Variants in KLB observed in about 807,000 individuals in gnomAD.
KLB encodes beta-klotho.
In KLB, 44 loss-of-function variants were observed where a neutral mutation model predicts 88.4. The ratio of observed to expected loss-of-function variants is 0.50; its 90% CI spans 0.39 to 0.64. KLB has a LOEUF of 0.64. Among genes scored for constraint, KLB ranks in the 30% least tolerant of loss-of-function variants. The pLI, the probability that KLB is intolerant of heterozygous loss-of-function variation, is 0.00. For missense variants in KLB, 1,137 were observed against 1,304.8 expected, an observed-to-expected ratio of 0.87 and a Z score of 1.98; for synonymous variants, 548 against 513.4, an observed-to-expected ratio of 1.07 and a Z score of -0.91.
At chr4:39,444,832 T>C (rs1342351097) in intron 3 of KLB, among the ~76,000 whole-genome samples, 1 of 152,242 alleles carries the variant, frequency 6.6e-6, no homozygotes, top group Non-Finnish European at 1.5e-5. Context: ...CTTAGTTTAA[T>C]GTTCTAGATA....
At chr4:39,441,634 T>C (rs1743597728) in intron 3 of KLB, 1 of 152,164 alleles carries the variant, frequency 6.6e-6, no homozygotes, top group South Asian at 2.1e-4. Context: ...GCCAGATTCA[T>C]TTGAACCACT....
intron 1 of KLB, among the ~76,000 whole-genome samples, chr4:39,416,247 G>A (rs1258095582): frequency 6.6e-6 from 1 of 151,922 alleles, no homozygotes; most frequent in Non-Finnish European, 1.5e-5. Context: ...TTTGATGGCT[G>A]TTAAAACTCA....
chr4:39,408,821 G>C (rs547498999), intron 1 of KLB, among the ~76,000 whole-genome samples: 1 of 151,584 alleles, frequency 6.6e-6, no homozygotes, highest in East Asian at 1.9e-4. Flanking sequence ...AGTTTACTTA[G>C]GAAAAATAAA....
intron 1 of KLB, among the ~76,000 whole-genome samples, chr4:39,421,112 T>C (rs1243889839): frequency 6.6e-6 from 1 of 152,252 alleles, no homozygotes; most frequent in African/African-American, 2.4e-5. Context: ...CTCATTTCCA[T>C]ATTTTTTTCT....
At chr4:39,423,475 G>A (rs894152299) in intron 1 of KLB, among the ~76,000 whole-genome samples, 2 of 151,798 alleles carry the variant, frequency 1.3e-5, no homozygotes, top group Non-Finnish European at 2.9e-5. Flanking sequence ...TATGTCAAAT[G>A]GTCTTTCCCG....
At chr4:39,411,546 G>T (rs893455384) in intron 1 of KLB, among the ~76,000 whole-genome samples, 1 of 148,858 alleles carries the variant, frequency 6.7e-6, no homozygotes, top group Non-Finnish European at 1.5e-5. Flanking sequence ...TTAAGACAGA[G>T]TCTCACTCTG....
At position 39,431,856 on chromosome 4, in the gene KLB, C is replaced by G. The variant is rs1743369838; in HGVS notation, c.826-2354C>G. 3.3e-5 allele frequency among the ~76,000 whole-genome samples: 5 copies of G among 152,138 alleles called. No homozygotes were observed. In the South Asian group the frequency reaches 1.0e-3, roughly 32 times the overall value. On this transcript the variant is annotated intron_variant, in intron 1 of 4. Coordinates refer to ENST00000257408, the MANE Select transcript of KLB (RefSeq NM_175737.4). The stretch of plus-strand genomic sequence containing the variant: ...TTGTTCATATCTGCTTGTCTTTGAC[C>G]TACGTAAAAGGCAGTTTCAGATAGT...
intron 3 of KLB, among the ~76,000 whole-genome samples, chr4:39,438,730 T>C (rs550180053): frequency 6.6e-6 from 1 of 152,362 alleles, no homozygotes; most frequent in East Asian, 1.9e-4. Flanking sequence ...CAGGTGCTTA[T>C]CTTTTAGAAC....
At position 39,437,850 on chromosome 4, in the gene KLB, A is replaced by G. The variant is rs1578211808; in HGVS notation, c.1460A>G (p.Gln487Arg). 6.2e-7 allele frequency: 1 copy of G among 1,614,240 alleles called. No individual in the cohort carries two copies. The highest frequency in any genetic ancestry group is 8.5e-7 in the Non-Finnish European group (1 of 1,180,044). Reference protein sequence around the residue: ...GLFYVDFNSKQKERKPKSSAH... With the variant: ...GLFYVDFNSKRKERKPKSSAH... ...TTTTATGTGGATTTTAACAGTAAAC[A>G]GAAAGAGCGGAAACCTAAGTCTTCA... Residue 487 changes from glutamine to arginine, a missense_variant, in exon 3 of 5, where the codon CAG (glutamine) becomes CGG (arginine). Transcript: ENST00000257408.
Position 39,446,595 on chromosome 4 carries a change from C to G in KLB, c.1869C>G (p.Tyr623Ter), listed in dbSNP as rs755516264. The change falls in exon 4 of 5, where the codon TAC becomes TAG. Residue 623 changes from tyrosine to a stop codon, truncating the protein, a stop_gained. Transcript: ENST00000257408. LOFTEE classifies it high-confidence loss of function. This position sits in a 1 kb window ranked among gnomAD's most constrained non-coding sequence, Gnocchi z 6.4. ...TGAACCGACAGGCCCTGAGGTACTA[C>G]AGGTGCGTGGTCAGTGAGGGGCTGA... ...SAVNRQALRY[Y>*]RCVVSEGLKL... 1 of 1,614,202 alleles carries G rather than the reference C, an allele frequency of 6.2e-7. No individual in the cohort carries two copies. The highest frequency in any genetic ancestry group is 8.5e-7 in the Non-Finnish European group (1 of 1,180,024).
At chr4:39,443,530 A>T (rs1178546811) in intron 3 of KLB, among the ~76,000 whole-genome samples, 1 of 148,740 alleles carries the variant, frequency 6.7e-6, no homozygotes, top group Non-Finnish European at 1.5e-5. Context: ...GTATCACTTG[A>T]GGTCAGGACC....
chr4:39,423,591 A>G (rs1354873635), intron 1 of KLB, among the ~76,000 whole-genome samples: 1 of 151,826 alleles, frequency 6.6e-6, no homozygotes, highest in Admixed American at 6.6e-5. Flanking sequence ...TTTCTTTTCT[A>G]AAATGGGAAA....
Position 39,448,820 on chromosome 4 carries a change from C to G in KLB, c.*134C>G, listed in dbSNP as rs1743823086. 3.5e-6 allele frequency: 3 copies of G among 852,590 alleles called. No individual in the cohort carries two copies. The highest frequency in any genetic ancestry group is 2.6e-5 in the Admixed American group (1 of 38,260). 52.8% of individuals were successfully genotyped at this position (852,590 alleles called of 1,614,324 possible). ...GTAACCAAGGTGATGACAATTGTCT[C>G]TGCTGTGTGGTTCAAAGAACATTCC... On this transcript the variant is annotated 3_prime_UTR_variant, in exon 5 of 5. Coordinates refer to ENST00000257408, the MANE Select transcript of KLB (RefSeq NM_175737.4).
chr4:39,413,491 C>T (rs1052509398), intron 1 of KLB, among the ~76,000 whole-genome samples: 1 of 152,012 alleles, frequency 6.6e-6, no homozygotes, highest in Non-Finnish European at 1.5e-5. Context: ...AAGAAGATCC[C>T]TTGAGCCCAG....
In KLB at chr4:39,437,938, T is replaced by C. The variant is rs1168229464; in HGVS notation, c.1548T>C (p.Asp516=). The change falls in exon 3 of 5, where the codon GAT becomes GAC. Residue 516 remains aspartate, a synonymous_variant. Transcript: ENST00000257408. ...NGFSLKESTP[D]VQGQFPCDFS... is the part of the protein sequence containing the mutation. Reference sequence around the variant, plus strand: ...TTTCTTTAAAAGAGTCCACGCCAGATGTGCAGGGCCAGTTTCCCTGTGACT... The same window carrying C: ...TTTCTTTAAAAGAGTCCACGCCAGACGTGCAGGGCCAGTTTCCCTGTGACT... The C allele has an allele frequency of 1.2e-6, 2 of 1,614,100 alleles. No individual in the cohort carries two copies. Among genetic ancestry groups the C allele is most frequent in the Non-Finnish European group, 1.7e-6 (2 of 1,180,046 alleles).
At position 39,413,228 on chromosome 4, in the gene KLB, C is replaced by T. The variant is rs146388318; in HGVS notation, c.825+5454C>T. ...CCTATGCAGCAAAGCCCCAAGGGTT[C>T]ACATTAGTAAAGGCAGTAATGTCTG... On this transcript the variant is annotated intron_variant, in intron 1 of 4. Coordinates refer to ENST00000257408, the MANE Select transcript of KLB (RefSeq NM_175737.4). Among the ~76,000 whole-genome samples, 112 of 152,272 alleles carry T rather than the reference C, an allele frequency of 7.4e-4. 1 individual carries two copies. In the East Asian group the frequency reaches 0.016, roughly 21 times the overall value.
chr4:39,423,853 A>C (rs1400822354), intron 1 of KLB, among the ~76,000 whole-genome samples: 1 of 151,614 alleles, frequency 6.6e-6, no homozygotes, highest in Non-Finnish European at 1.5e-5. Flanking sequence ...TTTTTTTTAA[A>C]ATAAAAAAAA....
intron 3 of KLB, among the ~76,000 whole-genome samples, chr4:39,438,925 C>A (rs1382529873): frequency 6.6e-6 from 1 of 152,078 alleles, no homozygotes; most frequent in East Asian, 1.9e-4. Flanking sequence ...GCTGGCAGAA[C>A]TGTTAACATA....
Position 39,406,961 on chromosome 4 carries a change from C to T in KLB, c.12C>T (p.Gly4=). The change falls in exon 1 of 5, where the codon GGC becomes GGT. Residue 4 remains glycine, a synonymous_variant. Transcript: ENST00000257408. MKP[G]CAAGSPGNEW... ...GCAGTTGGTGGCAAATGAAGCCAGG[C>T]TGTGCGGCAGGATCTCCAGGGAATG... The T allele has an allele frequency of 1.2e-6, 2 of 1,607,738 alleles. No individual in the cohort carries two copies. Among genetic ancestry groups the T allele is most frequent in the African/African-American group, 1.3e-5 (1 of 74,946 alleles).
Sources: gnomAD v4.1 joint callset for allele counts (sites outside exome capture counted in the v4.1 genomes callset) on GRCh38, gnomAD v4.1.1 for gene constraint, Gnocchi (gnomAD v3.1) non-coding constraint, MANE v1.5 for transcripts, NCBI Gene and HGNC (gene_info 2026-07-23, HGNC 2026-07-21) for gene names.